The following MEF2A variants were observed in gnomAD, a reference collection of about 807,000 sequenced individuals.
MEF2A encodes the protein myocyte-specific enhancer factor 2A.
A neutral mutation model predicts 55.8 loss-of-function variants in MEF2A; 28 were observed. The ratio of observed to expected loss-of-function variants is 0.50; its 90% confidence interval spans 0.37 to 0.69. The LOEUF (loss-of-function observed/expected upper bound fraction) is 0.69. MEF2A is among the 30% of genes least tolerant of loss of function. The probability of loss-of-function intolerance (pLI) is 0.00; values close to 1 mark genes in which losing one functional copy is unlikely to be tolerated. For synonymous variants in MEF2A, 239 were observed against 227.1 expected (o/e 1.05, Z -0.47); for missense variants, 528 against 626.2 (o/e 0.84, Z 1.67).
At chr15:99,601,539 G>T (rs1354777833) in intron 2 of MEF2A, among the ~76,000 whole-genome samples, 19 of 134,504 alleles carry the variant, frequency 1.4e-4, no homozygotes, top group African/African-American at 4.8e-4. Flanking sequence ...TCGTTTTCAC[G>T]AGTAGGTGTT....
Position 99,703,376 on chromosome 15 carries a change from A to T in MEF2A, c.873A>T (p.Glu291Asp), listed in dbSNP as rs1278287218. The T allele has an allele frequency of 6.2e-7, 1 of 1,610,872 alleles. No individual in the cohort carries two copies. The highest frequency in any genetic ancestry group is 1.1e-5 in the South Asian group (1 of 90,502). The change falls in exon 9 of 12, where the codon GAA becomes GAT. Residue 291 changes from glutamate (E) to aspartate (D), a missense_variant. Physicochemically the swap from Glu to Asp is conservative, Grantham distance 45. This residue lies in a region of MEF2A where 450 missense variants were observed against 475.3 expected (regional missense o/e 0.95). Coordinates refer to ENST00000557942, the MANE Select transcript of MEF2A (RefSeq NM_001319206.4). ...GMMPPLSEEEELELNTQRISS... is the reference protein window; with the variant it reads ...GMMPPLSEEEDLELNTQRISS... ...GCTGAGTACAGTCGGAGGAAGAGGAATTGGAGTTGGTGAGTGTGGGTTTCT... is the reference window on the plus strand; with the variant it reads ...GCTGAGTACAGTCGGAGGAAGAGGATTTGGAGTTGGTGAGTGTGGGTTTCT...
intron 2 of MEF2A, among the ~76,000 whole-genome samples, chr15:99,621,677 T>G (rs1391794158): frequency 1.3e-5 from 2 of 152,226 alleles, no homozygotes; most frequent in Non-Finnish European, 2.9e-5. Context: ...ATTTGACATT[T>G]TCACTTGTCC....
chr15:99,645,373 G>A (rs1021477630), intron 3 of MEF2A, among the ~76,000 whole-genome samples, 188 bp from the exon 4 acceptor site: 3 of 152,120 alleles, frequency 2.0e-5, no homozygotes, highest in African/African-American at 4.8e-5. Context: ...CGGAGAACTT[G>A]GCATATACAA....
chr15:99,594,250 G>A (rs935092453), intron 1 of MEF2A, among the ~76,000 whole-genome samples: 1 of 152,100 alleles, frequency 6.6e-6, no homozygotes, highest in Non-Finnish European at 1.5e-5. Context: ...TAATTTGCTA[G>A]AGCAGCTCAC....
chr15:99,671,974 G>T (rs1185501599), intron 5 of MEF2A, among the ~76,000 whole-genome samples: 1 of 152,010 alleles, frequency 6.6e-6, no homozygotes, highest in Non-Finnish European at 1.5e-5. Flanking sequence ...GATTTTTAAG[G>T]TATCTTCCAG....
chr15:99,645,921 C>T (rs981715655), intron 4 of MEF2A, 157 bp downstream of exon 4: 10 of 534,554 alleles, frequency 1.9e-5, no homozygotes, highest in East Asian at 5.9e-5. Context: ...TGCTGTATGG[C>T]GACTCACTTG....
intron 9 of MEF2A, among the ~76,000 whole-genome samples, chr15:99,703,797 A>G (rs996343122): frequency 2.6e-5 from 4 of 152,264 alleles, no homozygotes; most frequent in African/African-American, 7.2e-5. Context: ...AGATTACATC[A>G]TTTTTGGTGA....
intron 2 of MEF2A, among the ~76,000 whole-genome samples, chr15:99,602,729 TGGGG>T (rs1160691873): frequency 5.3e-5 from 1 of 18,814 alleles, no homozygotes; most frequent in African/African-American, 1.5e-4. Flanking sequence ...TGTGTGTGTG[TGGGG>T]GGGTGGGGGT....
At position 99,710,617 on chromosome 15, in the gene MEF2A, C is replaced by G. The variant is rs769844691; in HGVS notation, c.1010-17C>G. 6.2e-6 allele frequency: 10 copies of G among 1,604,110 alleles called. No homozygotes were observed. The East Asian group carries it at 6.7e-5, about 11-fold the overall frequency. ...GACCTTCCATCATATGCAGAGCCCT[C>G]TTGTCTTCCTTTGTAGATTATTCAC... On this transcript the variant is annotated splice_polypyrimidine_tract_variant and intron_variant, in intron 10 of 11. Coordinates refer to ENST00000557942, the MANE Select transcript of MEF2A (RefSeq NM_001319206.4).
chr15:99,638,911 G>A (rs2044379899), intron 3 of MEF2A, among the ~76,000 whole-genome samples: 1 of 152,030 alleles, frequency 6.6e-6, no homozygotes, highest in South Asian at 2.1e-4. Context: ...TCCTGCTTTA[G>A]CAGCTTTCTG....
intron 8 of MEF2A, among the ~76,000 whole-genome samples, chr15:99,690,816 G>A (rs769580593): frequency 2.0e-5 from 3 of 152,144 alleles, no homozygotes; most frequent in South Asian, 2.1e-4. Context: ...GGTGGGAGAC[G>A]GGATGAAGAG....
At chr15:99,661,591 G>A (rs1157345828) in intron 4 of MEF2A, among the ~76,000 whole-genome samples, 1 of 152,050 alleles carries the variant, frequency 6.6e-6, no homozygotes, top group Non-Finnish European at 1.5e-5. Context: ...TTGAATAGGT[G>A]CCTCACAAAA....
chr15:99,633,889 A>G (rs765644316), intron 3 of MEF2A, among the ~76,000 whole-genome samples: 3 of 152,238 alleles, frequency 2.0e-5, no homozygotes, highest in Non-Finnish European at 2.9e-5. Flanking sequence ...CATATTGTCT[A>G]TGGCTGCTTT....
chr15:99,646,104 T>G (rs1383596760), intron 4 of MEF2A, among the ~76,000 whole-genome samples: 1 of 145,920 alleles, frequency 6.9e-6, no homozygotes. Context: ...TTGGTATGTC[T>G]TAATCATTTC....
rs970489138 is a variant in MEF2A, at chr15:99,587,300, A to G, written c.-224-11130A>G. Among the ~76,000 whole-genome samples the G allele has an allele frequency of 3.9e-5, 6 of 151,984 alleles. No individual in the cohort carries two copies. In the East Asian group the frequency reaches 1.2e-3, roughly 29 times the overall value. The stretch of plus-strand genomic sequence containing the variant: ...TCAGCTCCCACTTATGAGTGAGAAC[A>G]TGTGGTGTTTGGTTTTCTGCTCTTG... On this transcript the variant is annotated intron_variant, in intron 1 of 11. Coordinates refer to ENST00000557942, the MANE Select transcript of MEF2A (RefSeq NM_001319206.4).
At chr15:99,708,425 C>T (rs1356606162) in intron 10 of MEF2A, among the ~76,000 whole-genome samples, 19 of 152,094 alleles carry the variant, frequency 1.2e-4, no homozygotes, top group Non-Finnish European at 1.5e-5. Flanking sequence ...TTAGAAATGC[C>T]ATTGAATTGG....
chr15:99,574,090 A>C (rs149439046), intron 1 of MEF2A, among the ~76,000 whole-genome samples: 2 of 152,156 alleles, frequency 1.3e-5, no homozygotes, highest in Non-Finnish European at 2.9e-5. Context: ...ACCTAGAGAA[A>C]AGTTACAAGA....
At chr15:99,573,221 G>A (rs1027317724) in intron 1 of MEF2A, among the ~76,000 whole-genome samples, 5 of 150,962 alleles carry the variant, frequency 3.3e-5, no homozygotes, top group African/African-American at 9.8e-5. Context: ...CCTGGGAGGC[G>A]GAGCCTGCAG....
At chr15:99,587,168 A>G (rs556903647) in intron 1 of MEF2A, among the ~76,000 whole-genome samples, 8 of 152,122 alleles carry the variant, frequency 5.3e-5, no homozygotes, top group African/African-American at 1.9e-4. Flanking sequence ...TCAACCCATC[A>G]TCTGCATTAG....
Sources: allele counts gnomAD v4.1 joint callset (sites outside exome capture counted in the v4.1 genomes callset), GRCh38; gene constraint gnomAD v4.1.1; regional missense constraint gnomAD v4.1.1; transcripts MANE v1.5; gene names NCBI Gene and HGNC (gene_info 2026-07-23, HGNC 2026-07-21).